The following SPDYE6 variants were observed in gnomAD, a reference collection of about 807,000 sequenced individuals.
SPDYE6 encodes speedy protein E6.
For missense variants in SPDYE6, 8 were observed against 297.9 expected (o/e 0.03, Z 7.16); for synonymous variants, 2 against 103.0 (o/e 0.02, Z 5.94).
chr7:102,346,808 A>C lies in SPDYE6; in HGVS notation c.*459T>G, dbSNP rs1794505423. Among the ~76,000 whole-genome samples the C allele has an allele frequency of 6.6e-6, 1 of 152,162 alleles. No individual in the cohort carries two copies. Among genetic ancestry groups the C allele is most frequent in the African/African-American group, 2.4e-5 (1 of 41,438 alleles). Reference sequence around the variant, plus strand: ...GAGTGTGCATGAAGCTATCTGTTACAATCTGTGGCACTGATATTTCACAAA... The same window carrying C: ...GAGTGTGCATGAAGCTATCTGTTACCATCTGTGGCACTGATATTTCACAAA... On this transcript the variant is annotated 3_prime_UTR_variant, in exon 8 of 8. Coordinates refer to ENST00000563237, the MANE Select transcript of SPDYE6 (RefSeq NM_001146210.4).
Position 102,346,374 on chromosome 7 carries a change from C to A in SPDYE6, c.*893G>T, listed in dbSNP as rs1794496989. Among the ~76,000 whole-genome samples the A allele has an allele frequency of 6.7e-6, 1 of 148,568 alleles. No homozygotes were observed. The highest frequency in any genetic ancestry group is 6.7e-5 in the Admixed American group (1 of 14,928). On this transcript the variant is annotated 3_prime_UTR_variant, in exon 8 of 8. Coordinates refer to ENST00000563237, the MANE Select transcript of SPDYE6 (RefSeq NM_001146210.4). ...ATATTAGACGTGTTAGTATATATAT[C>A]TGAGACATGTTAAAAATCACAACTG...
intron 2 of SPDYE6, among the ~76,000 whole-genome samples, chr7:102,353,665 T>TTGC (rs1554562784): frequency 1.3e-5 from 2 of 151,920 alleles, no homozygotes; most frequent in African/African-American, 4.8e-5. Context: ...TTCGTTGTTG[T>TTGC]TGTCGTTGTT....
At chr7:102,352,449 AG>A (rs2133084345) in intron 3 of SPDYE6, among the ~76,000 whole-genome samples, 1 of 142,846 alleles carries the variant, frequency 7.0e-6, no homozygotes, top group Admixed American at 7.1e-5. Flanking sequence ...CTCATGAGAC[AG>A]TCACATCAGG....
At chr7:102,351,791 G>A in intron 4 of SPDYE6, among the ~76,000 whole-genome samples, 1 of 6,278 alleles carries the variant, frequency 1.6e-4, no homozygotes, top group Non-Finnish European at 2.9e-4. Flanking sequence ...AATCCCAGCT[G>A]CTTGGAGGCT....
Position 102,345,926 on chromosome 7 carries a change from T to C in SPDYE6, c.*1341A>G, listed in dbSNP as rs1554561986. On this transcript the variant is annotated 3_prime_UTR_variant, in exon 8 of 8. Coordinates refer to ENST00000563237, the MANE Select transcript of SPDYE6 (RefSeq NM_001146210.4). The stretch of plus-strand genomic sequence containing the variant: ...TCTGAATTCTCACATTTCAAACATA[T>C]ATGAAATATCAAATAAAAATTTATT... Among the ~76,000 whole-genome samples, 4 of 152,120 alleles carry C rather than the reference T, an allele frequency of 2.6e-5. No individual in the cohort carries two copies. The highest frequency in any genetic ancestry group is 4.4e-5 in the Non-Finnish European group (3 of 68,026).
chr7:102,348,587 G>A lies in SPDYE6; in HGVS notation c.846C>T (p.Pro282=). The A allele has an allele frequency of 6.2e-7, 1 of 1,614,302 alleles. No individual in the cohort carries two copies. Among genetic ancestry groups the A allele is most frequent in the East Asian group, 2.2e-5 (1 of 44,892 alleles). ...FLYRKNRSRI[P]LLRKRWFQLG... is the part of the protein sequence containing the mutation. ...ACTGGAACCAACGCTTACGGAGCAAGGGTATGCGAGAGCGGTTCTTCCTAT... is the reference window on the plus strand; with the variant it reads ...ACTGGAACCAACGCTTACGGAGCAAAGGTATGCGAGAGCGGTTCTTCCTAT... The change falls in exon 6 of 8, where the codon CCC becomes CCT. Residue 282 remains proline (P), a synonymous_variant. Coordinates refer to ENST00000563237, the MANE Select transcript of SPDYE6 (RefSeq NM_001146210.4).
rs1390217056 is a variant in SPDYE6, at chr7:102,346,446, T to TATCA, written c.*817_*820dup. Among the ~76,000 whole-genome samples, 1 of 150,644 alleles carries TATCA rather than the reference T, an allele frequency of 6.6e-6. No individual in the cohort carries two copies. The highest frequency in any genetic ancestry group is 2.4e-5 in the African/African-American group (1 of 41,264). On this transcript the variant is annotated 3_prime_UTR_variant, in exon 8 of 8. Transcript: ENST00000563237. ...AACCTAAACAGCAAATAAAAATTTCTATCACCAGAATTATGTATTTTTCTG... is the reference window on the plus strand; with the variant it reads ...AACCTAAACAGCAAATAAAAATTTCTATCAATCACCAGAATTATGTATTTTTCTG...
rs775099698 is a variant in SPDYE6 at position 102,346,165 on chromosome 7, C to G, written c.*1102G>C. ...TATAACAGTTATAATACCCATCACA[C>G]AGCTTTGTAGAAACAGCATCTATTC... On this transcript the variant is annotated 3_prime_UTR_variant, in exon 8 of 8. Transcript: ENST00000563237. Among the ~76,000 whole-genome samples, 1 of 150,724 alleles carries G rather than the reference C, an allele frequency of 6.6e-6. No homozygotes were observed. The highest frequency in any genetic ancestry group is 1.5e-5 in the Non-Finnish European group (1 of 67,726).
intron 4 of SPDYE6, among the ~76,000 whole-genome samples, chr7:102,351,387 C>T (rs1794561995): frequency 1.9e-5 from 2 of 105,852 alleles, no homozygotes; most frequent in Admixed American, 1.0e-4. Flanking sequence ...ACAACCTGGG[C>T]AACATAGTGA....
chr7:102,353,723 G>C (rs1794611934), intron 2 of SPDYE6, among the ~76,000 whole-genome samples: 2 of 149,914 alleles, frequency 1.3e-5, no homozygotes, highest in African/African-American at 4.9e-5. Flanking sequence ...GAGTGTAGTG[G>C]TGCGATCTTG....
At position 102,346,135 on chromosome 7, in the gene SPDYE6, G is replaced by C. The variant is rs1217772099; in HGVS notation, c.*1132C>G. 4.0e-5 allele frequency among the ~76,000 whole-genome samples: 6 copies of C among 150,976 alleles called. No homozygotes were observed. Among genetic ancestry groups the C allele is most frequent in the African/African-American group, 7.3e-5 (3 of 41,236 alleles). ...AAAAGGAAAACAAAATTATATGTATGTGTATATAACAGTTATAATACCCAT... is the reference window on the plus strand; with the variant it reads ...AAAAGGAAAACAAAATTATATGTATCTGTATATAACAGTTATAATACCCAT... On this transcript the variant is annotated 3_prime_UTR_variant, in exon 8 of 8. Coordinates refer to ENST00000563237, the MANE Select transcript of SPDYE6 (RefSeq NM_001146210.4).
intron 2 of SPDYE6, among the ~76,000 whole-genome samples, chr7:102,353,658 G>GTTT (rs1794610412): frequency 9.9e-6 from 1 of 100,512 alleles, no homozygotes; most frequent in East Asian, 3.3e-4. Flanking sequence ...TTTTTTTTTC[G>GTTT]TTGTTGTTGT....
intron 3 of SPDYE6, among the ~76,000 whole-genome samples, chr7:102,352,384 C>T (rs1794587328): frequency 1.4e-5 from 2 of 146,290 alleles, no homozygotes; most frequent in Non-Finnish European, 3.0e-5. Context: ...CCAGGACCCC[C>T]TCCAGCAGAC....
At chr7:102,352,337 G>C (rs1469918642) in intron 3 of SPDYE6, among the ~76,000 whole-genome samples, 190 of 148,912 alleles carry the variant, frequency 1.3e-3, no homozygotes, top group African/African-American at 4.2e-3. Flanking sequence ...GGAGGCCCTG[G>C]GTGTGAGAAT....
Position 102,345,803 on chromosome 7 carries a change from A to G in SPDYE6, c.*1464T>C, listed in dbSNP as rs427605. ...TATGTTTCCCCAAGAGACCCACTCT[A>G]TTGTTCTCTTGAAAACACACAGCTC... On this transcript the variant is annotated 3_prime_UTR_variant, in exon 8 of 8. Transcript: ENST00000563237. Among the ~76,000 whole-genome samples the G allele has an allele frequency of 0.27, 41,715 of 152,040 alleles. 6,176 individuals carry two copies. The highest frequency in any genetic ancestry group is 0.36 in the African/African-American group (15,107 of 41,436).
At chr7:102,353,686 A>C in intron 2 of SPDYE6, among the ~76,000 whole-genome samples, 1 of 151,662 alleles carries the variant, frequency 6.6e-6, no homozygotes, top group African/African-American at 2.4e-5. Context: ...GTTGTTGAGA[A>C]ACAGTCTTGC....
Position 102,347,051 on chromosome 7 carries a change from A to C in SPDYE6, c.*216T>G, listed in dbSNP as rs1342354307. On this transcript the variant is annotated 3_prime_UTR_variant, in exon 8 of 8. Transcript: ENST00000563237. ...AGAAGGACCCCACCCCCCTCCCCCCACCCCTGCTCCTAGGAGGACAACGTG... is the reference window on the plus strand; with the variant it reads ...AGAAGGACCCCACCCCCCTCCCCCCCCCCCTGCTCCTAGGAGGACAACGTG... Among the ~76,000 whole-genome samples, 25 of 48,658 alleles carry C rather than the reference A, an allele frequency of 5.1e-4. No individual in the cohort carries two copies. The highest frequency in any genetic ancestry group is 9.7e-4 in the Admixed American group (3 of 3,084). 31.9% of individuals were successfully genotyped at this position (48,658 alleles called of 152,430 possible).
chr7:102,351,472 C>G (rs1165317010), intron 4 of SPDYE6, among the ~76,000 whole-genome samples: 4 of 34,896 alleles, frequency 1.1e-4, no homozygotes, highest in African/African-American at 2.1e-4. Context: ...CCTCAGGAGG[C>G]TGAGGAAAGA....
rs1794499516 is a variant in SPDYE6 at position 102,346,517 on chromosome 7, G to A, written c.*750C>T. On this transcript the variant is annotated 3_prime_UTR_variant, in exon 8 of 8. Transcript: ENST00000563237. ...ATAAATAGAAGAGATTATTATGGAA[G>A]TATCATAGATAAAAAGAGTGCTCGC... 6.6e-6 allele frequency among the ~76,000 whole-genome samples: 1 copy of A among 151,032 alleles called. No individual in the cohort carries two copies. The highest frequency in any genetic ancestry group is 2.4e-5 in the African/African-American group (1 of 41,228).
Sources: gnomAD v4.1 joint callset for allele counts (sites outside exome capture counted in the v4.1 genomes callset) on GRCh38, gnomAD v4.1.1 for gene constraint, MANE v1.5 for transcripts, NCBI Gene and HGNC (gene_info 2026-07-23, HGNC 2026-07-21) for gene names.